Variants in IPO7 observed in about 807,000 individuals in gnomAD.
IPO7 encodes the protein importin-7.
Under a neutral mutation model 136.4 loss-of-function variants are expected in IPO7, and 13 were observed. That is an observed-to-expected ratio of 0.10 (90% CI 0.06 to 0.15). The LOEUF is 0.15. Among genes scored for constraint, IPO7 ranks in the 10% least tolerant of loss-of-function variants. The probability of loss-of-function intolerance (pLI) is 1.00; values close to 1 mark genes in which losing one functional copy is unlikely to be tolerated. For synonymous variants in IPO7, 403 were observed against 404.4 expected, an observed-to-expected ratio of 1.00 and a Z score of 0.04; for missense variants, 857 against 1,240.6, an observed-to-expected ratio of 0.69 and a Z score of 4.65.
At chr11:9,438,044 A>AGTT (rs1554956323) in intron 21 of IPO7, 36 bp from the exon 22 acceptor site, 2 of 1,035,558 alleles carry the variant, frequency 1.9e-6, no homozygotes, top group Non-Finnish European at 1.3e-6. Flanking sequence ...AAAAGAAAAC[A>AGTT]GTTTTTTTTT....
chr11:9,444,821 A>C (rs910127686), intron 24 of IPO7, among the ~76,000 whole-genome samples: 12 of 146,072 alleles, frequency 8.2e-5, no homozygotes, highest in African/African-American at 2.8e-4. Flanking sequence ...TGGGTGACAG[A>C]GCCAGACTCT....
chr11:9,435,573 C>T (rs1435906499), intron 19 of IPO7, among the ~76,000 whole-genome samples: 1 of 152,156 alleles, frequency 6.6e-6, no homozygotes, highest in Non-Finnish European at 1.5e-5. Flanking sequence ...TCATCTCTTT[C>T]CTTTCTGAAC....
intron 1 of IPO7, among the ~76,000 whole-genome samples, chr11:9,388,782 C>T (rs1353992822): frequency 1.3e-5 from 2 of 152,104 alleles, no homozygotes; most frequent in East Asian, 1.9e-4. Context: ...ACACTACAGC[C>T]TAGAACTCTT....
rs182739828 is a variant in IPO7, at chr11:9,402,917, A to T, written c.85-373A>T. ...CTGTATGTAGTCTCAGCTACCCGGG[A>T]GGCTGAGGCAGGAGAATCGCTTGAA... On this transcript the variant is annotated intron_variant, in intron 1 of 24. Coordinates refer to ENST00000379719, the MANE Select transcript of IPO7 (RefSeq NM_006391.3). 2.1e-3 allele frequency: 468 copies of T among 221,708 alleles called. 5 individuals are homozygous for T. The highest frequency in any genetic ancestry group is 0.011 in the African/African-American group (444 of 41,474). The allele number at this position is 221,708 out of a possible 1,614,324, so 13.7% of individuals were successfully genotyped here.
intron 12 of IPO7, among the ~76,000 whole-genome samples, chr11:9,427,041 G>A (rs1485335336): frequency 6.6e-6 from 1 of 152,032 alleles, no homozygotes; most frequent in Non-Finnish European, 1.5e-5. Flanking sequence ...GTAGAGATGG[G>A]GTTTTGCCAT....
At chr11:9,430,253 G>A (rs7122252) in intron 15 of IPO7, 69,085 of 155,610 alleles carry the variant, frequency 0.44, 15,761 homozygotes, top group Non-Finnish European at 0.5. Context: ...TGTGTAGCAC[G>A]TAAAGCCCTT....
rs754809187 is a variant in IPO7 at position 9,428,557 on chromosome 11, T to C, written c.1353T>C (p.Asp451=). The C allele has an allele frequency of 7.3e-6, 11 of 1,510,490 alleles. No individual in the cohort carries two copies. The highest frequency in any genetic ancestry group is 1.0e-5 in the Non-Finnish European group (11 of 1,098,446). The allele number at this position is 1,510,490 out of a possible 1,614,324, so 93.6% of individuals were successfully genotyped here. ...EILLKKKIYK[D]QMEYMLQNHV... ...ATTTACAGAAAAAGATCTATAAAGA[T>C]CAGATGGAATACATGTTGCAGAATC... is the stretch of plus-strand genomic sequence containing the variant. The change falls in exon 13 of 25, where the codon GAT becomes GAC. Residue 451 remains aspartate (D), a synonymous_variant. Coordinates refer to ENST00000379719, the MANE Select transcript of IPO7 (RefSeq NM_006391.3).
At chr11:9,408,717 T>TG (rs902451300) in intron 3 of IPO7, 78 bp downstream of exon 3, 1 of 1,029,538 alleles carries the variant, frequency 9.7e-7, no homozygotes, top group Non-Finnish European at 1.3e-6. Flanking sequence ...TTTTTTTTTT[T>TG]TTTTTTTTTT....
intron 13 of IPO7, 62 bp from the exon 14 acceptor site, chr11:9,428,969 A>T: frequency 7.0e-7 from 1 of 1,433,762 alleles, no homozygotes; most frequent in Non-Finnish European, 9.8e-7. Context: ...CAGGGAATAG[A>T]GATTAGCTTG....
At chr11:9,415,193 A>C (rs931157146) in intron 5 of IPO7, among the ~76,000 whole-genome samples, 1 of 151,860 alleles carries the variant, frequency 6.6e-6, no homozygotes, top group African/African-American at 2.4e-5. Flanking sequence ...TTGGTGGTAC[A>C]TACCTGTAAA....
chr11:9,390,268 G>A lies in IPO7; in HGVS notation c.84+5421G>A, dbSNP rs190624603. Among the ~76,000 whole-genome samples the A allele has an allele frequency of 5.9e-4, 89 of 151,138 alleles. No individual in the cohort carries two copies. In the East Asian group the frequency reaches 0.013, roughly 22 times the overall value. On this transcript the variant is annotated intron_variant, in intron 1 of 24. Coordinates refer to ENST00000379719, the MANE Select transcript of IPO7 (RefSeq NM_006391.3). ...GAAAAAGTGATCTTGCTTTTGGTAA[G>A]TTTCTTGATATTTTGTGTGTGTGTG...
At chr11:9,384,932 C>T in intron 1 of IPO7, 85 bp downstream of exon 1, 2 of 1,023,738 alleles carry the variant, frequency 2.0e-6, no homozygotes, top group South Asian at 1.5e-5. Flanking sequence ...GCCGGAGGCG[C>T]GGACGACGTC....
At position 9,384,744 on chromosome 11, in the gene IPO7, T is replaced by A. The variant is rs1447419169; in HGVS notation, c.-20T>A. 3.8e-6 allele frequency: 6 copies of A among 1,579,222 alleles called. No homozygotes were observed. Among genetic ancestry groups the A allele is most frequent in the Non-Finnish European group, 5.2e-6 (6 of 1,161,678 alleles). On this transcript the variant is annotated 5_prime_UTR_variant, in exon 1 of 25. The change creates a new upstream start codon in the 5' untranslated region. Coordinates refer to ENST00000379719, the MANE Select transcript of IPO7 (RefSeq NM_006391.3). ...GCCCAGTAGCACCCGAGCCCCGGGT[T>A]TGACCGAGTCCGCGCTGCGATGGAC...
At position 9,420,614 on chromosome 11, in the gene IPO7, A is replaced by T; in HGVS notation, c.822A>T (p.Arg274Ser). 2.5e-6 allele frequency: 4 copies of T among 1,610,312 alleles called. No individual in the cohort carries two copies. The highest frequency in any genetic ancestry group is 3.4e-6 in the Non-Finnish European group (4 of 1,176,736). ...ALHILARLFE[R>S]YGSPGNVSKE... Reference sequence around the variant, plus strand: ...AATGGGCATTTTGATGTTCTTTTAGATATGGAAGCCCTGGCAATGTTTCCA... The same window carrying T: ...AATGGGCATTTTGATGTTCTTTTAGTTATGGAAGCCCTGGCAATGTTTCCA... The change falls in exon 8 of 25, where the codon AGA becomes AGT. Residue 274 changes from arginine to serine, a missense_variant and splice_region_variant. Arg to Ser is a moderately radical substitution (Grantham distance 110, BLOSUM62 -1). Coordinates refer to ENST00000379719, the MANE Select transcript of IPO7 (RefSeq NM_006391.3).
intron 1 of IPO7, among the ~76,000 whole-genome samples, chr11:9,389,626 G>C (rs184072621): frequency 1.3e-5 from 2 of 152,122 alleles, no homozygotes; most frequent in East Asian, 3.9e-4. Context: ...TATGATCTCC[G>C]CATCAATAGT....
chr11:9,415,787 G>A lies in IPO7; in HGVS notation c.637-1272G>A, dbSNP rs150814886. ...CAGGAGGCAGAGGTTGCAGTGAGCC[G>A]AGATCGCACCACTGCACTCCAGCCT... On this transcript the variant is annotated intron_variant, in intron 5 of 24. Transcript: ENST00000379719. Among the ~76,000 whole-genome samples, 1,184 of 150,782 alleles carry A rather than the reference G, an allele frequency of 7.9e-3. 33 individuals are homozygous for A. The East Asian group carries it at 0.099, about 13-fold the overall frequency.
chr11:9,437,528 A>C (rs1054688312), intron 20 of IPO7, among the ~76,000 whole-genome samples: 1 of 152,198 alleles, frequency 6.6e-6, no homozygotes, highest in Non-Finnish European at 1.5e-5. Context: ...TGCTGGGATT[A>C]CAGGCGTGAG....
intron 16 of IPO7, 56 bp downstream of exon 16, chr11:9,431,059 G>T: frequency 1.4e-6 from 2 of 1,428,676 alleles, no homozygotes; most frequent in African/African-American, 2.8e-5. Flanking sequence ...TTTTTAGAGG[G>T]CTCTAATATC....
chr11:9,390,994 T>C (rs1401475378), intron 1 of IPO7, among the ~76,000 whole-genome samples: 2 of 152,066 alleles, frequency 1.3e-5, no homozygotes, highest in Admixed American at 6.5e-5. Flanking sequence ...GGTCTTGAAC[T>C]CCTGACCTCA....
Sources: allele counts gnomAD v4.1 joint callset (sites outside exome capture counted in the v4.1 genomes callset), GRCh38; gene constraint gnomAD v4.1.1; transcripts MANE v1.5; gene names NCBI Gene and HGNC (gene_info 2026-07-23, HGNC 2026-07-21).